The following PPP3CC variants were observed in gnomAD, a reference collection of about 807,000 sequenced individuals.
The protein encoded by PPP3CC is protein phosphatase 3 catalytic subunit gamma, also known as serine/threonine-protein phosphatase 2B catalytic subunit gamma isoform.
Under a neutral mutation model 60.3 loss-of-function variants are expected in PPP3CC, and 35 were observed. The ratio of observed to expected loss-of-function variants is 0.58; its 90% confidence interval spans 0.44 to 0.77. The LOEUF is 0.77. PPP3CC is among the 30% of genes least tolerant of loss of function. The pLI, the probability that PPP3CC is intolerant of heterozygous loss-of-function variation, is 0.00. For synonymous variants in PPP3CC, 206 were observed against 224.3 expected, an observed-to-expected ratio of 0.92 and a Z score of 0.73; for missense variants, 570 against 628.9, an observed-to-expected ratio of 0.91 and a Z score of 1.00.
intron 6 of PPP3CC, among the ~76,000 whole-genome samples, chr8:22,517,616 A>G (rs376783706): frequency 1.3e-5 from 2 of 151,858 alleles, no homozygotes; most frequent in South Asian, 4.2e-4. Flanking sequence ...GACTCTATCC[A>G]TTTCTTCTGG....
rs543002256 is a variant in PPP3CC, at chr8:22,446,905, A to AC, written c.49+5448dup. Among the ~76,000 whole-genome samples, 390 of 151,906 alleles carry AC rather than the reference A, an allele frequency of 2.6e-3. 1 individual carries two copies. The highest frequency in any genetic ancestry group is 9.0e-3 in the African/African-American group (371 of 41,420). On this transcript the variant is annotated intron_variant, in intron 1 of 13. Coordinates refer to ENST00000240139, the MANE Select transcript of PPP3CC (RefSeq NM_005605.5). The stretch of plus-strand genomic sequence containing the variant: ...TTCCGGGATTTGTAGTCATTTTGGA[A>AC]CTTTGCTGCTACTTAATTGCTAAAT...
At chr8:22,539,204 G>A (rs1839907375) in intron 12 of PPP3CC, among the ~76,000 whole-genome samples, 1 of 152,082 alleles carries the variant, frequency 6.6e-6, no homozygotes, top group Non-Finnish European at 1.5e-5. Flanking sequence ...AGTAGCAGTT[G>A]GCTACCTAAA....
intron 3 of PPP3CC, among the ~76,000 whole-genome samples, chr8:22,478,081 A>T (rs1246057700): frequency 6.6e-6 from 1 of 151,742 alleles, no homozygotes; most frequent in African/African-American, 2.4e-5. Flanking sequence ...TGAACTGCTG[A>T]CCTCGTGGTC....
intron 3 of PPP3CC, among the ~76,000 whole-genome samples, chr8:22,476,889 G>A (rs181496708): frequency 1.4e-5 from 2 of 147,886 alleles, no homozygotes; most frequent in Admixed American, 1.4e-4. Context: ...CTGAGATCAC[G>A]CCTCTGCACT....
chr8:22,496,829 T>A (rs980934851), intron 3 of PPP3CC, among the ~76,000 whole-genome samples: 32 of 152,114 alleles, frequency 2.1e-4, no homozygotes, highest in African/African-American at 7.2e-4. Flanking sequence ...TGATTTATTC[T>A]ATCTAAGAAC....
At chr8:22,456,423 T>C (rs1190827987) in intron 1 of PPP3CC, among the ~76,000 whole-genome samples, 1 of 152,212 alleles carries the variant, frequency 6.6e-6, no homozygotes, top group East Asian at 1.9e-4. Flanking sequence ...AATTTTTATT[T>C]TGATAATTAT....
intron 1 of PPP3CC, among the ~76,000 whole-genome samples, chr8:22,459,455 ATGTGTGTG>A (rs56870564): frequency 6.7e-6 from 1 of 150,138 alleles, no homozygotes. Flanking sequence ...TCACTTTGTT[ATGTGTGTG>A]TGTGTGTGTG....
At chr8:22,534,730 G>A (rs912097824) in intron 12 of PPP3CC, among the ~76,000 whole-genome samples, 7 of 152,040 alleles carry the variant, frequency 4.6e-5, no homozygotes, top group Non-Finnish European at 8.8e-5. Flanking sequence ...ATTGTATTCC[G>A]AAATATAAAT....
intron 3 of PPP3CC, chr8:22,492,671 C>T (rs907266155): frequency 4.9e-5 from 36 of 739,724 alleles, no homozygotes; most frequent in South Asian, 4.0e-4. Context: ...GGCACAAGTG[C>T]GCATTGGTGG....
At chr8:22,486,123 G>A (rs1838216671) in intron 3 of PPP3CC, among the ~76,000 whole-genome samples, 1 of 152,188 alleles carries the variant, frequency 6.6e-6, no homozygotes, top group African/African-American at 2.4e-5. Context: ...AACTTTCACA[G>A]TAGTTAATGA....
At chr8:22,501,191 G>A (rs1420967415) in intron 4 of PPP3CC, among the ~76,000 whole-genome samples, 1 of 151,996 alleles carries the variant, frequency 6.6e-6, no homozygotes, top group African/African-American at 2.4e-5. Context: ...AAAGATGTGA[G>A]GTATTTGAAG....
At chr8:22,460,683 A>G (rs914196467) in intron 1 of PPP3CC, among the ~76,000 whole-genome samples, 7 of 152,004 alleles carry the variant, frequency 4.6e-5, no homozygotes, top group Non-Finnish European at 5.9e-5. Flanking sequence ...GTCAGGTGTC[A>G]TGGTGCATAT....
At chr8:22,482,222 C>T (rs895175685) in intron 3 of PPP3CC, among the ~76,000 whole-genome samples, 5 of 152,274 alleles carry the variant, frequency 3.3e-5, no homozygotes, top group African/African-American at 7.2e-5. Context: ...TAATGATCGC[C>T]ATTCTAACTG....
At position 22,531,461 on chromosome 8, in the gene PPP3CC, T is replaced by C. The variant is rs998814584; in HGVS notation, c.1142-764T>C. On this transcript the variant is annotated intron_variant, in intron 10 of 13. Coordinates refer to ENST00000240139, the MANE Select transcript of PPP3CC (RefSeq NM_005605.5). ...TCCGCCCCTTCAGTTTTAATGTATA[T>C]GTTTTCTCTGGACCTGTTGCGTGAT... The C allele has an allele frequency of 1.1e-4, 97 of 903,514 alleles. 2 individuals are homozygous for C. In the South Asian group the frequency reaches 1.5e-3, roughly 14 times the overall value. 56.0% of individuals were successfully genotyped at this position (903,514 alleles called of 1,614,324 possible).
At position 22,459,455 on chromosome 8, in the gene PPP3CC, A is replaced by ATGTG. The variant is rs56870564; in HGVS notation, c.50-15481_50-15478dup. ...ACCACTTCATTATTATCACTTTGTT[A>ATGTG]TGTGTGTGTGTGTGTGTGTGTTTAA... On this transcript the variant is annotated intron_variant, in intron 1 of 13. Coordinates refer to ENST00000240139, the MANE Select transcript of PPP3CC (RefSeq NM_005605.5). 6.5e-3 allele frequency among the ~76,000 whole-genome samples: 981 copies of ATGTG among 150,064 alleles called. 7 individuals are homozygous for ATGTG. Among genetic ancestry groups the ATGTG allele is most frequent in the African/African-American group, 0.019 (770 of 40,986 alleles).
rs190008578 is a variant in PPP3CC at position 22,450,885 on chromosome 8, G to C, written c.49+9427G>C. Among the ~76,000 whole-genome samples the C allele has an allele frequency of 3.1e-3, 469 of 151,256 alleles. 1 individual carries two copies. Among genetic ancestry groups the C allele is most frequent in the Non-Finnish European group, 3.3e-3 (221 of 67,852 alleles). The stretch of plus-strand genomic sequence containing the variant: ...GAGTCTCGCTCTGTCACCCAGGCTA[G>C]AGTGCAGTGGCGCCACCACGGCTCA... On this transcript the variant is annotated intron_variant, in intron 1 of 13. Transcript: ENST00000240139.
At chr8:22,463,484 C>T (rs1395514875) in intron 1 of PPP3CC, among the ~76,000 whole-genome samples, 1 of 152,144 alleles carries the variant, frequency 6.6e-6, no homozygotes, top group African/African-American at 2.4e-5. Flanking sequence ...AAGCGGAAAC[C>T]ACCTGTGGAT....
At chr8:22,519,765 C>T (rs910546035) in intron 6 of PPP3CC, among the ~76,000 whole-genome samples, 7 of 152,194 alleles carry the variant, frequency 4.6e-5, no homozygotes, top group Non-Finnish European at 7.3e-5. Context: ...AGTGATTCTC[C>T]TACCTCAGCC....
At chr8:22,457,131 T>G (rs1358333797) in intron 1 of PPP3CC, among the ~76,000 whole-genome samples, 5 of 147,150 alleles carry the variant, frequency 3.4e-5, no homozygotes, top group African/African-American at 1.3e-4. Flanking sequence ...CTCTCAATAT[T>G]CTGTAATATT....
Sources: allele counts gnomAD v4.1 joint callset (sites outside exome capture counted in the v4.1 genomes callset), GRCh38; gene constraint gnomAD v4.1.1; transcripts MANE v1.5; gene names NCBI Gene and HGNC (gene_info 2026-07-23, HGNC 2026-07-21).